The following APOOL variants were observed in gnomAD, a reference collection of about 807,000 sequenced individuals.
The protein encoded by APOOL is MICOS complex subunit MIC27.
A neutral mutation model predicts 23.1 loss-of-function variants in APOOL; 12 were observed. The observed-to-expected ratio is 0.52, with a 90% confidence interval of 0.33 to 0.84. The LOEUF is 0.84. Among genes scored for constraint, APOOL ranks in the 40% least tolerant of loss-of-function variants. The pLI is 0.02. For synonymous variants in APOOL, 77 were observed against 69.9 expected (o/e 1.10, Z -0.51); for missense variants, 212 against 199.6 (o/e 1.06, Z -0.37).
intron 8 of APOOL, among the ~76,000 whole-genome samples, chrX:85,078,283 G>A (rs1310315495): frequency 8.9e-6 from 1 of 111,732 alleles, no homozygotes; most frequent in African/African-American, 3.3e-5. Context: ...GTAAGGAAGG[G>A]ATCCAGTTTC....
In APOOL at chrX:85,026,509, G is replaced by T. The variant is rs745457927; in HGVS notation, c.16-19937G>T. On this transcript the variant is annotated intron_variant, in intron 1 of 8. Coordinates refer to ENST00000373173, the MANE Select transcript of APOOL (RefSeq NM_198450.6). ...TTTTCTTTGTCTGCCACATGGCCAG[G>T]CTGCAAATATTTCAAGCTTTTATGC... Among the ~76,000 whole-genome samples the T allele has an allele frequency of 7.1e-5, 8 of 113,006 alleles. No individual in the cohort carries two copies. In the East Asian group the frequency reaches 2.2e-3, roughly 31 times the overall value.
chrX:85,032,287 G>A (rs1922063897), intron 1 of APOOL, among the ~76,000 whole-genome samples: 1 of 111,805 alleles, frequency 8.9e-6, no homozygotes, highest in Non-Finnish European at 1.9e-5. Context: ...GGCCAAGGCG[G>A]GCCGATCAAC....
chrX:85,033,920 T>A (rs1922127111), intron 1 of APOOL, among the ~76,000 whole-genome samples: 1 of 111,733 alleles, frequency 8.9e-6, no homozygotes, highest in South Asian at 3.7e-4. Context: ...CCTTGTTACT[T>A]CTCCCATTTT....
chrX:85,030,632 C>T (rs1234659082), intron 1 of APOOL, among the ~76,000 whole-genome samples: 2 of 111,756 alleles, frequency 1.8e-5, no homozygotes, highest in Admixed American at 1.9e-4. Flanking sequence ...GGCAGCCATT[C>T]TTCTAAATGA....
chrX:85,072,156 G>C (rs1923693646), intron 6 of APOOL, among the ~76,000 whole-genome samples: 1 of 111,915 alleles, frequency 8.9e-6, no homozygotes, highest in Non-Finnish European at 1.9e-5. Context: ...ATGAGCAAAA[G>C]ATGAATGTGC....
At chrX:85,053,577 G>A (rs752110146) in intron 3 of APOOL, among the ~76,000 whole-genome samples, 1 of 111,107 alleles carries the variant, frequency 9.0e-6, no homozygotes, top group African/African-American at 3.3e-5. Context: ...GTGTTTTCTG[G>A]TTCCATCAAC....
At chrX:85,024,817 C>G (rs1171822429) in intron 1 of APOOL, among the ~76,000 whole-genome samples, 1 of 112,313 alleles carries the variant, frequency 8.9e-6, no homozygotes. Flanking sequence ...TCTGCCAAAT[C>G]CATCTGGAAT....
intron 1 of APOOL, among the ~76,000 whole-genome samples, chrX:85,043,204 G>A (rs1453380150): frequency 3.6e-5 from 4 of 111,055 alleles, no homozygotes; most frequent in African/African-American, 9.8e-5. Context: ...TAAATAAGTC[G>A]TAATTTTGAC....
At chrX:85,039,656 G>A (rs1258561875) in intron 1 of APOOL, among the ~76,000 whole-genome samples, 2 of 111,274 alleles carry the variant, frequency 1.8e-5, no homozygotes, top group African/African-American at 3.3e-5. Flanking sequence ...ATTATATAAT[G>A]TCCTTCTTTG....
intron 1 of APOOL, among the ~76,000 whole-genome samples, chrX:85,020,425 G>T (rs1030563661): frequency 1.8e-5 from 2 of 111,330 alleles, no homozygotes; most frequent in Admixed American, 1.9e-4. Context: ...ACTGGACTTT[G>T]CCTTGGACAC....
intron 1 of APOOL, among the ~76,000 whole-genome samples, chrX:85,005,086 A>AAAACAC (rs1203638555): frequency 9.0e-6 from 1 of 111,311 alleles, no homozygotes; most frequent in Non-Finnish European, 1.9e-5. Flanking sequence ...CCCCATATGC[A>AAAACAC]AAACACAAAA....
intron 2 of APOOL, among the ~76,000 whole-genome samples, chrX:85,051,031 C>A (rs1424439258): frequency 9.0e-6 from 1 of 110,643 alleles, no homozygotes; most frequent in Admixed American, 9.7e-5. Context: ...TACGAATATA[C>A]CCCAAAGGAT....
chrX:85,033,575 A>G (rs1922114392), intron 1 of APOOL, among the ~76,000 whole-genome samples: 1 of 111,933 alleles, frequency 8.9e-6, no homozygotes, highest in Non-Finnish European at 1.9e-5. Context: ...TGTTGAAGCC[A>G]GTTTAAGTTG....
At chrX:85,037,632 G>A (rs772420794) in intron 1 of APOOL, among the ~76,000 whole-genome samples, 1 of 111,352 alleles carries the variant, frequency 9.0e-6, no homozygotes, top group East Asian at 2.8e-4. Flanking sequence ...GTAAAACTAG[G>A]CACATAGACC....
intron 8 of APOOL, among the ~76,000 whole-genome samples, chrX:85,087,279 A>G (rs1198344637): frequency 9.0e-6 from 1 of 110,946 alleles, no homozygotes; most frequent in Non-Finnish European, 1.9e-5. Context: ...GCTGGTATCT[A>G]TAGGGTGCAC....
At position 85,046,531 on chromosome X, in the gene APOOL, A is replaced by G. The variant is rs1300223869; in HGVS notation, c.101A>G (p.Gln34Arg). 1 of 1,208,160 alleles carries G rather than the reference A, an allele frequency of 8.3e-7. No individual in the cohort carries two copies. Among genetic ancestry groups the G allele is most frequent in the Admixed American group, 2.2e-5 (1 of 45,807 alleles). Residue 34 changes from glutamine (Q) to arginine (R), a missense_variant, in exon 2 of 9, where the codon CAG becomes CGG. Physicochemically the swap from Gln to Arg is conservative, Grantham distance 43 (BLOSUM62 1). Coordinates refer to ENST00000373173, the MANE Select transcript of APOOL (RefSeq NM_198450.6). ...GCCAAACAAGAGGAATCCAAAAAGC[A>G]GCTAGTGAAACCAGAGCAGGTAATT... ...HAAKQEESKKQLVKPEQLPIY... is the reference protein window; with the variant it reads ...HAAKQEESKKRLVKPEQLPIY...
intron 1 of APOOL, among the ~76,000 whole-genome samples, chrX:85,004,684 C>T (rs755772455): frequency 1.9e-3 from 209 of 112,228 alleles, no homozygotes; most frequent in Non-Finnish European, 3.0e-3. Context: ...CATACTTCAT[C>T]TGAGTTATTT....
intron 1 of APOOL, 163 bp from the exon 2 acceptor site, chrX:85,046,283 A>G: frequency 2.4e-6 from 1 of 418,461 alleles, no homozygotes; most frequent in South Asian, 5.5e-5. Context: ...AGATAATTTT[A>G]TGAACTATGT....
chrX:85,068,147 A>G (rs895788141), intron 6 of APOOL, among the ~76,000 whole-genome samples: 1 of 112,078 alleles, frequency 8.9e-6, no homozygotes, highest in African/African-American at 3.2e-5. Flanking sequence ...TGGTAAACTT[A>G]TTTTTAAAAC....
Sources: gnomAD v4.1 joint callset for allele counts (sites outside exome capture counted in the v4.1 genomes callset) on GRCh38, gnomAD v4.1.1 for gene constraint, MANE v1.5 for transcripts, NCBI Gene and HGNC (gene_info 2026-07-23, HGNC 2026-07-21) for gene names.